KCNH5: variants seen among roughly 807,000 people sequenced by gnomAD.
KCNH5 encodes the protein voltage-gated delayed rectifier potassium channel KCNH5.
Under a neutral mutation model 96.1 loss-of-function variants are expected in KCNH5, and 46 were observed. The observed-to-expected ratio is 0.48, with a 90% CI of 0.38 to 0.61. KCNH5 has a LOEUF of 0.61. KCNH5 is among the 20% of genes least tolerant of loss of function. The probability of loss-of-function intolerance (pLI) is 0.00; values close to 1 mark genes in which losing one functional copy is unlikely to be tolerated. For synonymous variants in KCNH5, 439 were observed against 449.8 expected (o/e 0.98, Z 0.30); for missense variants, 907 against 1,225.8 (o/e 0.74, Z 3.88).
At chr14:62,908,854 C>T (rs1296047181) in intron 7 of KCNH5, among the ~76,000 whole-genome samples, 5 of 119,170 alleles carry the variant, frequency 4.2e-5, no homozygotes, top group Non-Finnish European at 8.0e-5. Context: ...AATATGGAGT[C>T]CTGTGACTCC....
intron 1 of KCNH5, among the ~76,000 whole-genome samples, chr14:63,033,518 C>A (rs542414994): frequency 3.9e-4 from 60 of 152,320 alleles, no homozygotes; most frequent in Admixed American, 7.8e-4. Context: ...ATCAAACCCT[C>A]CCCTTTTCAT....
At chr14:62,834,762 A>G (rs540233693) in intron 8 of KCNH5, among the ~76,000 whole-genome samples, 3 of 152,140 alleles carry the variant, frequency 2.0e-5, no homozygotes, top group African/African-American at 7.2e-5. Context: ...AAAAAATAAC[A>G]TTTAATGGTA....
intron 7 of KCNH5, among the ~76,000 whole-genome samples, chr14:62,937,126 C>T (rs1196966965): frequency 1.3e-5 from 2 of 152,072 alleles, no homozygotes; most frequent in Non-Finnish European, 2.9e-5. Flanking sequence ...TATGTGACTG[C>T]CCACTGGACA....
chr14:62,889,140 G>A (rs979183382), intron 7 of KCNH5, among the ~76,000 whole-genome samples: 2 of 152,142 alleles, frequency 1.3e-5, no homozygotes, highest in Non-Finnish European at 2.9e-5. Context: ...CACACCCTAG[G>A]TGATATAAGT....
chr14:62,919,489 A>G (rs998048662), intron 7 of KCNH5, among the ~76,000 whole-genome samples: 2 of 152,170 alleles, frequency 1.3e-5, no homozygotes, highest in African/African-American at 4.8e-5. Context: ...CACATTCCAA[A>G]CTTGAAAAAG....
chr14:62,728,059 T>G (rs1023415927), intron 10 of KCNH5, among the ~76,000 whole-genome samples: 22 of 150,930 alleles, frequency 1.5e-4, no homozygotes, highest in Admixed American at 1.3e-3. Flanking sequence ...TGTATGTCTA[T>G]CAGCAGAGTT....
chr14:62,950,040 T>C (rs1359638687), intron 7 of KCNH5, 93 bp downstream of exon 7: 1 of 1,063,690 alleles, frequency 9.4e-7, no homozygotes, highest in Admixed American at 2.1e-5. Flanking sequence ...TACCTTTCTG[T>C]AAACAAAGTA....
At chr14:62,769,344 A>G (rs762776529) in intron 10 of KCNH5, among the ~76,000 whole-genome samples, 10 of 152,220 alleles carry the variant, frequency 6.6e-5, no homozygotes, top group Non-Finnish European at 5.9e-5. Flanking sequence ...CTGATGATCA[A>G]TTGAGGTAAT....
chr14:62,743,670 C>T (rs981262079), intron 10 of KCNH5, among the ~76,000 whole-genome samples: 2 of 151,910 alleles, frequency 1.3e-5, no homozygotes, highest in Non-Finnish European at 2.9e-5. Context: ...ATATACAAAC[C>T]CCCTGCTGGG....
At chr14:62,935,909 C>T (rs1595691224) in intron 7 of KCNH5, among the ~76,000 whole-genome samples, 1 of 152,134 alleles carries the variant, frequency 6.6e-6, no homozygotes, top group Non-Finnish European at 1.5e-5. Context: ...AACTGCTCAG[C>T]CTATCAGGAG....
At chr14:62,949,466 G>C (rs1000727674) in intron 7 of KCNH5, among the ~76,000 whole-genome samples, 5 of 152,174 alleles carry the variant, frequency 3.3e-5, no homozygotes, top group African/African-American at 7.2e-5. Context: ...CTGGTCTTCT[G>C]ATGCCATCCA....
intron 10 of KCNH5, among the ~76,000 whole-genome samples, chr14:62,761,388 G>T (rs1405629006): frequency 6.7e-6 from 1 of 150,072 alleles, no homozygotes; most frequent in Non-Finnish European, 1.5e-5. Flanking sequence ...ATGGTCCATT[G>T]TAATGTGCTA....
chr14:62,987,709 T>G (rs2139575948), intron 4 of KCNH5, among the ~76,000 whole-genome samples: 1 of 152,248 alleles, frequency 6.6e-6, no homozygotes, highest in East Asian at 1.9e-4. Context: ...GCTGAATAAC[T>G]GTGTGGGAAA....
chr14:63,030,564 A>C (rs1358509632), intron 1 of KCNH5, among the ~76,000 whole-genome samples: 2 of 152,282 alleles, frequency 1.3e-5, no homozygotes, highest in East Asian at 3.9e-4. Context: ...AGTGGAGTGA[A>C]AGTTGAGGGA....
At chr14:62,749,062 C>G (rs868655924) in intron 10 of KCNH5, among the ~76,000 whole-genome samples, 1 of 152,108 alleles carries the variant, frequency 6.6e-6, no homozygotes, top group East Asian at 1.9e-4. Flanking sequence ...ACACAGCACT[C>G]GGCTTTGATC....
intron 10 of KCNH5, among the ~76,000 whole-genome samples, chr14:62,763,102 C>T (rs1356268598): frequency 6.6e-6 from 1 of 152,160 alleles, no homozygotes; most frequent in African/African-American, 2.4e-5. Flanking sequence ...TTCTCCTCAT[C>T]TGCACATAAC....
chr14:62,987,224 C>A (rs748667367), intron 4 of KCNH5, 37 bp from the exon 5 acceptor site: 1 of 1,406,278 alleles, frequency 7.1e-7, no homozygotes, highest in Non-Finnish European at 1.0e-6. Flanking sequence ...GTTTTTCATA[C>A]AAATGAATAA....
At chr14:62,925,155 C>T (rs921203866) in intron 7 of KCNH5, among the ~76,000 whole-genome samples, 2 of 151,790 alleles carry the variant, frequency 1.3e-5, no homozygotes. Context: ...GCCCTGGTGC[C>T]TGTAGACCAC....
At chr14:63,039,276 G>A (rs913815182) in intron 1 of KCNH5, among the ~76,000 whole-genome samples, 1 of 151,906 alleles carries the variant, frequency 6.6e-6, no homozygotes, top group Non-Finnish European at 1.5e-5. Context: ...TCCCAATCCT[G>A]TCTTTTGGAG....
Sources: gnomAD v4.1 joint callset for allele counts (sites outside exome capture counted in the v4.1 genomes callset) on GRCh38, gnomAD v4.1.1 for gene constraint, MANE v1.5 for transcripts, NCBI Gene and HGNC (gene_info 2026-07-23, HGNC 2026-07-21) for gene names.